The following ARHGAP26 variants were observed in gnomAD, a reference collection of about 807,000 sequenced individuals.
The protein encoded by ARHGAP26 is rho GTPase-activating protein 26.
ARHGAP26 carries 38 observed loss-of-function variants against 104.8 expected under a neutral mutation model. The observed-to-expected ratio is 0.36, with a 90% CI of 0.28 to 0.48. The LOEUF is 0.48. Ranked by LOEUF, ARHGAP26 falls within the 20% of genes least tolerant of loss-of-function variation. The pLI, the probability that ARHGAP26 is intolerant of heterozygous loss-of-function variation, is 0.99. For missense variants in ARHGAP26, 704 were observed against 947.9 expected, an observed-to-expected ratio of 0.74 and a Z score of 3.38; for synonymous variants, 341 against 340.0, an observed-to-expected ratio of 1.00 and a Z score of -0.03.
intron 1 of ARHGAP26, among the ~76,000 whole-genome samples, chr5:142,862,572 T>C (rs1419341139): frequency 6.6e-6 from 1 of 152,226 alleles, no homozygotes; most frequent in African/African-American, 2.4e-5. Flanking sequence ...TTTTGATAAC[T>C]CCCTGGTAGA....
intron 17 of ARHGAP26, chr5:143,103,494 C>A (rs376510515): frequency 6.6e-6 from 1 of 152,130 alleles, no homozygotes; most frequent in African/African-American, 2.4e-5. Flanking sequence ...CACATGCACA[C>A]GTATGTTTAT....
intron 1 of ARHGAP26, among the ~76,000 whole-genome samples, chr5:142,819,427 T>A (rs943249762): frequency 1.1e-4 from 16 of 152,168 alleles, no homozygotes; most frequent in Non-Finnish European, 2.1e-4. Context: ...CATAATTTTC[T>A]GGCCTTCTGG....
At chr5:142,945,469 G>T (rs1275973917) in intron 11 of ARHGAP26, among the ~76,000 whole-genome samples, 1 of 152,178 alleles carries the variant, frequency 6.6e-6, no homozygotes. Flanking sequence ...CTCTGAGGAG[G>T]TTGGTGTGAG....
At chr5:142,944,087 G>A (rs1466603250) in intron 11 of ARHGAP26, among the ~76,000 whole-genome samples, 2 of 152,146 alleles carry the variant, frequency 1.3e-5, no homozygotes, top group East Asian at 1.9e-4. Flanking sequence ...AGTCATGCCT[G>A]GGTTTGTAGA....
chr5:143,167,307 T>TAAA (rs35142931), intron 20 of ARHGAP26, among the ~76,000 whole-genome samples: 2 of 96,914 alleles, frequency 2.1e-5, no homozygotes, highest in Non-Finnish European at 4.0e-5. Context: ...ATCTCTACTT[T>TAAA]AAAAAAAAAA....
intron 20 of ARHGAP26, among the ~76,000 whole-genome samples, chr5:143,171,789 A>G (rs1015243381): frequency 5.3e-5 from 8 of 152,162 alleles, no homozygotes; most frequent in Admixed American, 2.6e-4. Flanking sequence ...CAAATTGAAG[A>G]GGTGGTAGCA....
At chr5:143,134,960 G>C (rs1356316112) in intron 19 of ARHGAP26, among the ~76,000 whole-genome samples, 1 of 152,248 alleles carries the variant, frequency 6.6e-6, no homozygotes. Context: ...AGATAACCAA[G>C]GATGGTTCAT....
At chr5:142,961,795 T>C (rs1459470374) in intron 11 of ARHGAP26, among the ~76,000 whole-genome samples, 3 of 152,256 alleles carry the variant, frequency 2.0e-5, no homozygotes, top group Admixed American at 2.0e-4. Flanking sequence ...TTAAATAAAA[T>C]TAAATAAATG....
At chr5:142,918,600 T>C (rs712165) in intron 10 of ARHGAP26, among the ~76,000 whole-genome samples, 74,675 of 152,026 alleles carry the variant, frequency 0.49, 21,361 homozygotes, top group East Asian at 0.91. Flanking sequence ...ATTTCAGAGG[T>C]CACATCTCCT....
chr5:142,867,225 CGT>C (rs1554133340), intron 1 of ARHGAP26, among the ~76,000 whole-genome samples: 3 of 151,362 alleles, frequency 2.0e-5, no homozygotes, highest in Non-Finnish European at 2.9e-5. Flanking sequence ...CAGGTAAGAC[CGT>C]GTGTCACGGA....
intron 1 of ARHGAP26, among the ~76,000 whole-genome samples, chr5:142,844,540 C>A (rs1241661095): frequency 1.3e-5 from 2 of 151,960 alleles, no homozygotes; most frequent in African/African-American, 4.8e-5. Flanking sequence ...AGGGCCAGGA[C>A]CTTCTAGAGC....
intron 6 of ARHGAP26, among the ~76,000 whole-genome samples, chr5:142,898,676 T>C (rs1759842580): frequency 6.6e-6 from 1 of 152,160 alleles, no homozygotes; most frequent in Admixed American, 6.5e-5. Context: ...CTAAGCCCAT[T>C]ACATGGATGA....
Position 143,041,542 on chromosome 5 carries a change from C to T in ARHGAP26, c.1211-274C>T, listed in dbSNP as rs141797534. 2.6e-5 allele frequency: 9 copies of T among 342,698 alleles called. No individual in the cohort carries two copies. In the East Asian group the frequency reaches 3.9e-4, roughly 15 times the overall value. The allele number at this position is 342,698 out of a possible 1,614,324, so 21.2% of individuals were successfully genotyped here. ...TCTTTTAGAACTCTTCAGATGCTGC[C>T]TTTGGCAAGAGAAAGGAAAGCTTCT... On this transcript the variant is annotated intron_variant, in intron 13 of 22. Transcript: ENST00000645722.
chr5:143,096,342 C>T (rs997030523), intron 17 of ARHGAP26, among the ~76,000 whole-genome samples: 3 of 152,158 alleles, frequency 2.0e-5, no homozygotes, highest in Non-Finnish European at 2.9e-5. Flanking sequence ...AAAATTATGA[C>T]GTTTTCTTGA....
chr5:142,964,927 G>C (rs1464093949), intron 11 of ARHGAP26, among the ~76,000 whole-genome samples: 2 of 152,146 alleles, frequency 1.3e-5, no homozygotes, highest in East Asian at 3.8e-4. Context: ...GGCCCCGAAT[G>C]TCTGGCTGTG....
At position 142,938,790 on chromosome 5, in the gene ARHGAP26, A is replaced by C. The variant is rs1052955948; in HGVS notation, c.1107+6665A>C. Among the ~76,000 whole-genome samples the C allele has an allele frequency of 2.4e-4, 36 of 152,202 alleles. 1 individual carries two copies. ...CTGTGATTAGTGGTGTCTTTCTGCA[A>C]CTGCTTATATCGCCTCCTTATTTTA... On this transcript the variant is annotated intron_variant, in intron 11 of 22. Transcript: ENST00000645722.
At chr5:142,850,250 G>C (rs114129574) in intron 1 of ARHGAP26, among the ~76,000 whole-genome samples, 29 of 152,246 alleles carry the variant, frequency 1.9e-4, no homozygotes, top group African/African-American at 7.0e-4. Context: ...TCCCATAGGG[G>C]TTATTCTCCC....
chr5:142,949,015 G>A (rs558722206), intron 11 of ARHGAP26, among the ~76,000 whole-genome samples: 163 of 151,864 alleles, frequency 1.1e-3, no homozygotes, highest in African/African-American at 3.8e-3. Flanking sequence ...TGAGGCAGGA[G>A]AATCGCTTGA....
chr5:143,162,774 ATCGGCCAGC>A (rs1801424800), intron 20 of ARHGAP26, among the ~76,000 whole-genome samples: 1 of 152,212 alleles, frequency 6.6e-6, no homozygotes, highest in Non-Finnish European at 1.5e-5. Flanking sequence ...AGCATCCAGA[ATCGGCCAGC>A]TCTGACAGAC....
Sources: gnomAD v4.1 joint callset for allele counts (sites outside exome capture counted in the v4.1 genomes callset) on GRCh38, gnomAD v4.1.1 for gene constraint, MANE v1.5 for transcripts, NCBI Gene and HGNC (gene_info 2026-07-23, HGNC 2026-07-21) for gene names.